Variants in PKHD1L1 observed in about 807,000 individuals in gnomAD.
PKHD1L1 encodes the protein fibrocystin-L.
PKHD1L1 carries 434 observed loss-of-function variants against 462.9 expected under a neutral mutation model. The ratio of observed to expected loss-of-function variants is 0.94; its 90% CI spans 0.87 to 1.02. PKHD1L1 has a LOEUF of 1.02. Ranked by LOEUF, PKHD1L1 falls within the 50% of genes least tolerant of loss-of-function variation. The probability of loss-of-function intolerance (pLI) is 0.00; values close to 1 mark genes in which losing one functional copy is unlikely to be tolerated. For missense variants in PKHD1L1, 5,202 were observed against 5,096.1 expected (o/e 1.02, Z -0.63); for synonymous variants, 1,781 against 1,750.0 (o/e 1.02, Z -0.44).
intron 1 of PKHD1L1, among the ~76,000 whole-genome samples, chr8:109,363,364 A>T (rs1050009329): frequency 6.6e-6 from 1 of 152,140 alleles, no homozygotes; most frequent in Non-Finnish European, 1.5e-5. Flanking sequence ...GTACAGAGGC[A>T]CTGGGTCTGG....
rs770808175 is a variant in PKHD1L1 at position 109,481,522 on chromosome 8, G to C, written c.9417G>C (p.Trp3139Cys). Residue 3139 changes from tryptophan to cysteine, a missense_variant, in exon 56 of 78, where the codon TGG (tryptophan) becomes TGC (cysteine). Around this residue, in one of 3 missense-constraint regions of PKHD1L1, gnomAD observed 4,497 missense variants for 4,336.8 expected, o/e 1.04. Coordinates refer to ENST00000378402, the MANE Select transcript of PKHD1L1 (RefSeq NM_177531.6). ...GAGGAAATCATACTACACAAGACTG[G>C]GCTCTTCCAGAAGGACCAAATCAAG... is the stretch of plus-strand genomic sequence containing the variant. ...VLRGNHTTQD[W>C]ALPEGPNQGA... 2.3e-5 allele frequency: 36 copies of C among 1,595,426 alleles called. No homozygotes were observed. Among genetic ancestry groups the C allele is most frequent in the Non-Finnish European group, 7.7e-6 (9 of 1,170,164 alleles).
Position 109,498,537 on chromosome 8 carries a change from C to T in PKHD1L1, c.10675C>T (p.Leu3559Phe), listed in dbSNP as rs543487591. 148 of 1,613,646 alleles carry T rather than the reference C, an allele frequency of 9.2e-5. 4 individuals are homozygous for T. The South Asian group carries it at 1.5e-3, about 17-fold the overall frequency. ...AACTAATGATGATCCTAATATTGAA[C>T]TCACTGCTGCTCATCGGAGTCCTAG... ...VLTNDDPNIE[L>F]TAAHRSPRSP... is the part of the protein sequence containing the mutation. Residue 3559 changes from leucine to phenylalanine, a missense_variant, in exon 66 of 78, where the codon CTC becomes TTC. Leu to Phe is a conservative substitution (Grantham distance 22). This residue lies in a region of PKHD1L1 where 4,497 missense variants were observed against 4,336.8 expected (regional missense o/e 1.04). Coordinates refer to ENST00000378402, the MANE Select transcript of PKHD1L1 (RefSeq NM_177531.6).
At chr8:109,385,340 A>G (rs1004434205) in intron 5 of PKHD1L1, among the ~76,000 whole-genome samples, 197 bp from the exon 6 acceptor site, 1 of 151,648 alleles carries the variant, frequency 6.6e-6, no homozygotes, top group Non-Finnish European at 1.5e-5. Flanking sequence ...TCTTTACTCA[A>G]TGAATATTTA....
intron 7 of PKHD1L1, 129 bp from the exon 8 acceptor site, chr8:109,388,950 A>G (rs142815480): frequency 4.1e-5 from 23 of 557,774 alleles, no homozygotes; most frequent in Middle Eastern, 9.0e-4. Flanking sequence ...TTTTACAGAA[A>G]TTTTGGTTGT....
chr8:109,520,867 G>A (rs1820516637), intron 73 of PKHD1L1, among the ~76,000 whole-genome samples: 2 of 152,058 alleles, frequency 1.3e-5, no homozygotes, highest in African/African-American at 4.8e-5. Context: ...CTCACATGTC[G>A]AACGGTCAGC....
chr8:109,397,193 G>A (rs1400711797), intron 11 of PKHD1L1, among the ~76,000 whole-genome samples: 1 of 152,110 alleles, frequency 6.6e-6, no homozygotes, highest in Non-Finnish European at 1.5e-5. Flanking sequence ...GAACATATTA[G>A]TTTTCTATCA....
chr8:109,386,887 A>G (rs1812470522), intron 6 of PKHD1L1, among the ~76,000 whole-genome samples: 1 of 152,164 alleles, frequency 6.6e-6, no homozygotes, highest in Non-Finnish European at 1.5e-5. Context: ...AAAGATTTGG[A>G]TGGAAATTAT....
At chr8:109,489,386 C>G (rs193105312) in intron 59 of PKHD1L1, among the ~76,000 whole-genome samples, 2 of 151,962 alleles carry the variant, frequency 1.3e-5, no homozygotes, top group Admixed American at 1.3e-4. Context: ...AAAGAGCAAT[C>G]TCTCATGGAT....
intron 5 of PKHD1L1, 92 bp from the exon 6 acceptor site, chr8:109,385,445 G>A (rs1031821169): frequency 1.3e-6 from 1 of 782,180 alleles, no homozygotes; most frequent in Non-Finnish European, 2.0e-6. Context: ...CTGGGTCCTG[G>A]TTTTATTGGG....
chr8:109,437,568 A>G (rs965425021), intron 30 of PKHD1L1, among the ~76,000 whole-genome samples: 1 of 145,214 alleles, frequency 6.9e-6, no homozygotes, highest in Non-Finnish European at 1.5e-5. Context: ...TTAAACTGAG[A>G]CTCTGGTTTC....
rs1167102468 is a variant in PKHD1L1, at chr8:109,433,196, G to T, written c.3320G>T (p.Cys1107Phe). The T allele has an allele frequency of 1.6e-5, 26 of 1,612,398 alleles. No homozygotes were observed. Among genetic ancestry groups the T allele is most frequent in the Non-Finnish European group, 2.2e-5 (26 of 1,178,842 alleles). The part of the protein sequence containing the change: ...AVTVSVGPVG[C>F]SLLSVDEKEL... ...ACAGTCTCAGTTGGACCAGTAGGTT[G>T]TTCTCTTCTTTCTGTGGATGGTAGG... is the stretch of plus-strand genomic sequence containing the variant. Residue 1107 changes from cysteine to phenylalanine, a missense_variant, in exon 28 of 78, where the codon TGT becomes TTT. Physicochemically the swap from Cys to Phe is radical, Grantham distance 205. This residue lies in a region of PKHD1L1 where 4,497 missense variants were observed against 4,336.8 expected (regional missense o/e 1.04). Transcript: ENST00000378402.
At chr8:109,488,831 C>T (rs1315558706) in intron 59 of PKHD1L1, among the ~76,000 whole-genome samples, 1 of 151,912 alleles carries the variant, frequency 6.6e-6, no homozygotes, top group Non-Finnish European at 1.5e-5. Context: ...TAAACACATA[C>T]AATCTTATTT....
chr8:109,512,535 G>C (rs1262590232), intron 71 of PKHD1L1, among the ~76,000 whole-genome samples: 2 of 151,838 alleles, frequency 1.3e-5, no homozygotes, highest in African/African-American at 2.4e-5. Flanking sequence ...TGAGGGCTCT[G>C]TTCTGTTCCA....
chr8:109,461,729 T>A (rs758936354), intron 47 of PKHD1L1, 43 bp from the exon 48 acceptor site: 2 of 1,558,258 alleles, frequency 1.3e-6, no homozygotes, highest in Non-Finnish European at 1.7e-6. Context: ...TATAAGAGGA[T>A]TCCGACAATT....
chr8:109,477,052 G>A (rs577770293), intron 52 of PKHD1L1, among the ~76,000 whole-genome samples, 173 bp from the exon 53 acceptor site: 42 of 152,012 alleles, frequency 2.8e-4, no homozygotes, highest in South Asian at 2.5e-3. Flanking sequence ...TATTTTGACC[G>A]TGTATATCTT....
chr8:109,485,465 C>T (rs1194938260), intron 58 of PKHD1L1, among the ~76,000 whole-genome samples: 1 of 151,958 alleles, frequency 6.6e-6, no homozygotes, highest in Non-Finnish European at 1.5e-5. Flanking sequence ...GATTCTTGTG[C>T]ACGCTGAAAT....
chr8:109,501,170 G>A (rs1819391297), intron 67 of PKHD1L1, among the ~76,000 whole-genome samples: 1 of 151,994 alleles, frequency 6.6e-6, no homozygotes, highest in African/African-American at 2.4e-5. Context: ...CACATTTTTT[G>A]CAGGTTGTCA....
At position 109,452,187 on chromosome 8, in the gene PKHD1L1, C is replaced by T. The variant is rs1297990790; in HGVS notation, c.6414C>T (p.Asn2138=). ...AEAKCDVEYS[N]KTHIICMTDA... ...CCAAATGTGATGTTGAGTATTCCAA[C>T]AAGACACACATCATCTGCATGACAG... is the stretch of plus-strand genomic sequence containing the variant. Residue 2138 remains asparagine (N), a synonymous_variant, in exon 42 of 78, where the codon AAC becomes AAT. Transcript: ENST00000378402. 1 of 1,613,358 alleles carries T rather than the reference C, an allele frequency of 6.2e-7. No homozygotes were observed.
At chr8:109,465,975 T>C (rs967471172) in intron 49 of PKHD1L1, among the ~76,000 whole-genome samples, 1 of 152,190 alleles carries the variant, frequency 6.6e-6, no homozygotes, top group Non-Finnish European at 1.5e-5. Flanking sequence ...GATATGTGCC[T>C]CATACTTTGT....
Sources: allele counts gnomAD v4.1 joint callset (sites outside exome capture counted in the v4.1 genomes callset), GRCh38; gene constraint gnomAD v4.1.1; regional missense constraint gnomAD v4.1.1; transcripts MANE v1.5; gene names NCBI Gene and HGNC (gene_info 2026-07-23, HGNC 2026-07-21).